Variants in DMD observed in about 807,000 individuals in gnomAD.
The protein encoded by DMD is mutant dystrophin.
In DMD, 63 loss-of-function variants were observed where a neutral mutation model predicts 330.1. The observed-to-expected ratio is 0.19, with a 90% confidence interval of 0.16 to 0.24. DMD has a LOEUF of 0.24. DMD is among the 10% of genes least tolerant of loss of function. The probability of loss-of-function intolerance (pLI) is 1.00; values close to 1 mark genes in which losing one functional copy is unlikely to be tolerated. For missense variants in DMD, 3,344 were observed against 2,684.1 expected, an observed-to-expected ratio of 1.25 and a Z score of -5.43; for synonymous variants, 1,223 against 959.8, an observed-to-expected ratio of 1.27 and a Z score of -5.07.
At chrX:33,197,909 A>T (rs917389948) in intron 1 of DMD, among the ~76,000 whole-genome samples, 4 of 111,192 alleles carry the variant, frequency 3.6e-5, no homozygotes, top group East Asian at 2.8e-4. Context: ...GTGAACATAA[A>T]CATCAATTTT....
chrX:31,395,909 A>C (rs2060900011), intron 60 of DMD, among the ~76,000 whole-genome samples: 1 of 112,199 alleles, frequency 8.9e-6, no homozygotes, highest in Non-Finnish European at 1.9e-5. Context: ...CTTCTAAACA[A>C]TGAAGAATTT....
intron 7 of DMD, among the ~76,000 whole-genome samples, chrX:32,802,930 T>G (rs1283797268): frequency 9.0e-6 from 1 of 111,656 alleles, no homozygotes; most frequent in Non-Finnish European, 1.9e-5. Flanking sequence ...ACCTGAAATT[T>G]TTTTTATTGT....
intron 21 of DMD, among the ~76,000 whole-genome samples, chrX:32,474,768 G>A (rs960660703): frequency 9.0e-6 from 1 of 111,663 alleles, no homozygotes. Context: ...TTTGTCAGAT[G>A]TATAGATTGT....
intron 47 of DMD, among the ~76,000 whole-genome samples, chrX:31,877,694 T>C (rs1428538921): frequency 2.7e-5 from 3 of 110,686 alleles, no homozygotes; most frequent in South Asian, 3.8e-4. Flanking sequence ...TGTGTGTGTG[T>C]GCACGCACGC....
At chrX:31,419,796 G>A (rs1385271587) in intron 60 of DMD, among the ~76,000 whole-genome samples, 3 of 111,927 alleles carry the variant, frequency 2.7e-5, no homozygotes, top group African/African-American at 9.8e-5. Flanking sequence ...GGTAGAGCTG[G>A]AGTAGGTCAT....
At chrX:31,124,274 A>G (rs2033292977) in intron 78 of DMD, among the ~76,000 whole-genome samples, 1 of 112,161 alleles carries the variant, frequency 8.9e-6, no homozygotes, top group Admixed American at 9.4e-5. Flanking sequence ...TACCTGCTTT[A>G]CCAGAATAAA....
At chrX:32,377,900 C>G (rs2097910335) in intron 34 of DMD, among the ~76,000 whole-genome samples, 1 of 111,171 alleles carries the variant, frequency 9.0e-6, no homozygotes, top group African/African-American at 3.3e-5. Context: ...CTACTTTAGA[C>G]TTCTGCTCCA....
chrX:32,014,613 A>T (rs1246566113), intron 44 of DMD, among the ~76,000 whole-genome samples: 1 of 111,652 alleles, frequency 9.0e-6, no homozygotes, highest in Non-Finnish European at 1.9e-5. Flanking sequence ...CCTACCTTCT[A>T]CCTCCCAGAG....
At chrX:31,792,742 T>C (rs1423863888) in intron 50 of DMD, among the ~76,000 whole-genome samples, 1 of 111,529 alleles carries the variant, frequency 9.0e-6, no homozygotes, top group Non-Finnish European at 1.9e-5. Context: ...TGGAGCAGCA[T>C]CTAGGTGGAG....
intron 56 of DMD, among the ~76,000 whole-genome samples, chrX:31,506,483 G>T (rs1382579952): frequency 8.9e-6 from 1 of 112,265 alleles, no homozygotes; most frequent in Non-Finnish European, 1.9e-5. Flanking sequence ...AAAGCAGGAA[G>T]CCTGGCTTTC....
At chrX:31,504,927 T>C (rs937893211) in intron 56 of DMD, among the ~76,000 whole-genome samples, 1 of 112,237 alleles carries the variant, frequency 8.9e-6, no homozygotes, top group African/African-American at 3.2e-5. Context: ...GTTTTCTACC[T>C]GATTAATGAC....
At position 31,147,437 on chromosome X, in the gene DMD, C is replaced by T. The variant is rs777631613; in HGVS notation, c.10635G>A (p.Met3545Ile). ...GGGGACTCTGGGGAGAGGTGGGCAT[C>T]ATTTCAGGAGGGGACGGCAGTGGGG... ...GLSPLPSPPE[M>I]MPTSPQSPRD... The change falls in exon 75 of 79, where the codon ATG becomes ATA. Residue 3545 changes from methionine (M) to isoleucine (I), a missense_variant. Transcript: ENST00000357033. The T allele has an allele frequency of 2.5e-6, 3 of 1,207,288 alleles. No homozygotes were observed. Among genetic ancestry groups the T allele is most frequent in the Non-Finnish European group, 3.4e-6 (3 of 892,742 alleles).
chrX:32,876,239 C>A (rs747849237), intron 2 of DMD, among the ~76,000 whole-genome samples: 1 of 111,897 alleles, frequency 8.9e-6, no homozygotes, highest in Non-Finnish European at 1.9e-5. Flanking sequence ...CTTGCCACAT[C>A]CTTTAATTAC....
chrX:32,828,392 T>C (rs2078895346), intron 4 of DMD, among the ~76,000 whole-genome samples: 1 of 110,276 alleles, frequency 9.1e-6, no homozygotes, highest in Admixed American at 9.7e-5. Context: ...CAGATACTGA[T>C]GCTTCTACTG....
chrX:31,246,921 G>A (rs987051258), intron 63 of DMD, among the ~76,000 whole-genome samples: 2 of 106,956 alleles, frequency 1.9e-5, no homozygotes, highest in African/African-American at 7.1e-5. Flanking sequence ...GCAAGACTCC[G>A]TCTTGGAAGG....
At chrX:32,253,380 G>A (rs1419394977) in intron 43 of DMD, among the ~76,000 whole-genome samples, 9 of 110,550 alleles carry the variant, frequency 8.1e-5, no homozygotes, top group African/African-American at 3.0e-4. Flanking sequence ...AAAATACTGT[G>A]TGCTATTCAA....
chrX:33,309,120 A>G (rs1019186125), intron 1 of DMD, among the ~76,000 whole-genome samples: 23 of 111,554 alleles, frequency 2.1e-4, no homozygotes, highest in African/African-American at 7.2e-4. Context: ...ACTTTTTAAT[A>G]TTTATATGTT....
intron 44 of DMD, among the ~76,000 whole-genome samples, chrX:32,195,487 C>T (rs1284992106): frequency 8.9e-6 from 1 of 112,253 alleles, no homozygotes; most frequent in Admixed American, 9.4e-5. Flanking sequence ...GAATTTGGAA[C>T]AACTCACTGG....
At chrX:33,138,474 C>T (rs895443103) in intron 1 of DMD, among the ~76,000 whole-genome samples, 5 of 111,578 alleles carry the variant, frequency 4.5e-5, no homozygotes, top group Non-Finnish European at 5.6e-5. Flanking sequence ...TGCTATATAG[C>T]TGGAAAGAGA....
Sources: allele counts gnomAD v4.1 joint callset (sites outside exome capture counted in the v4.1 genomes callset), GRCh38; gene constraint gnomAD v4.1.1; transcripts MANE v1.5; gene names NCBI Gene and HGNC (gene_info 2026-07-23, HGNC 2026-07-21).